GLIS1: variants seen among roughly 807,000 people sequenced by gnomAD.
The protein encoded by GLIS1 is zinc finger protein GLIS1.
In GLIS1, 24 loss-of-function variants were observed where a neutral mutation model predicts 63.8. The observed-to-expected ratio is 0.38, with a 90% CI of 0.27 to 0.53. The LOEUF (loss-of-function observed/expected upper bound fraction) is 0.53, where lower values mean the gene tolerates loss of function less well. GLIS1 is among the 20% of genes least tolerant of loss of function. The probability of loss-of-function intolerance (pLI) is 0.85; values close to 1 mark genes in which losing one functional copy is unlikely to be tolerated. For synonymous variants in GLIS1, 450 were observed against 482.5 expected (o/e 0.93, Z 0.88); for missense variants, 1,036 against 1,074.1 (o/e 0.96, Z 0.50).
At chr1:53,527,922 G>A (rs910833384) in intron 5 of GLIS1, among the ~76,000 whole-genome samples, 2 of 152,218 alleles carry the variant, frequency 1.3e-5, no homozygotes, top group Non-Finnish European at 2.9e-5. Context: ...CACCAAGTGG[G>A]GGCCAGAGGC....
intron 4 of GLIS1, among the ~76,000 whole-genome samples, chr1:53,583,462 C>G (rs534696267): frequency 6.6e-6 from 1 of 152,214 alleles, no homozygotes; most frequent in Non-Finnish European, 1.5e-5. Flanking sequence ...GTCTTGCCCC[C>G]CAGAATGCAG....
chr1:53,577,136 C>CGG (rs1557459745), intron 4 of GLIS1, among the ~76,000 whole-genome samples: 20 of 151,830 alleles, frequency 1.3e-4, no homozygotes, highest in South Asian at 1.0e-3. Flanking sequence ...AGCCTCCCCC[C>CGG]CCTCCATGCT....
At chr1:53,678,884 T>C (rs1272161995) in intron 2 of GLIS1, among the ~76,000 whole-genome samples, 1 of 152,226 alleles carries the variant, frequency 6.6e-6, no homozygotes, top group Non-Finnish European at 1.5e-5. Flanking sequence ...CTGCCTTCTA[T>C]GGACCCAACT....
intron 2 of GLIS1, among the ~76,000 whole-genome samples, chr1:53,732,021 G>A (rs1191207204): frequency 6.6e-6 from 1 of 152,216 alleles, no homozygotes; most frequent in Non-Finnish European, 1.5e-5. Context: ...CTACACAATG[G>A]CTCATGTGTT....
chr1:53,699,238 T>C (rs1396272065), intron 2 of GLIS1, among the ~76,000 whole-genome samples: 1 of 152,006 alleles, frequency 6.6e-6, no homozygotes, highest in Non-Finnish European at 1.5e-5. Flanking sequence ...CTAATTTTTA[T>C]ATTTTTAGTA....
chr1:53,667,812 G>A (rs57787204), intron 2 of GLIS1, among the ~76,000 whole-genome samples: 4,102 of 152,292 alleles, frequency 0.027, 167 homozygotes, highest in African/African-American at 0.093. Context: ...GAATGAGTGC[G>A]TAGACCTCAT....
At chr1:53,687,419 C>T (rs553143635) in intron 2 of GLIS1, among the ~76,000 whole-genome samples, 1 of 152,332 alleles carries the variant, frequency 6.6e-6, no homozygotes, top group Admixed American at 6.5e-5. Flanking sequence ...CAACATCTAT[C>T]ACCCGGTCCA....
intron 2 of GLIS1, among the ~76,000 whole-genome samples, chr1:53,682,561 T>A (rs1316726616): frequency 6.6e-6 from 1 of 152,260 alleles, no homozygotes; most frequent in Non-Finnish European, 1.5e-5. Flanking sequence ...CGTTGCAAGT[T>A]GGCAGCACTT....
At chr1:53,732,172 C>G (rs1646868026) in intron 2 of GLIS1, among the ~76,000 whole-genome samples, 1 of 152,232 alleles carries the variant, frequency 6.6e-6, no homozygotes, top group Non-Finnish European at 1.5e-5. Context: ...GTAATGCTAA[C>G]ACGATCCGCC....
intron 2 of GLIS1, among the ~76,000 whole-genome samples, chr1:53,728,014 T>C (rs887652364): frequency 1.3e-5 from 2 of 152,230 alleles, no homozygotes; most frequent in African/African-American, 4.8e-5. Flanking sequence ...TACAGGCTCC[T>C]TGAGACTGGG....
At chr1:53,601,574 G>A (rs1011015006) in intron 2 of GLIS1, among the ~76,000 whole-genome samples, 3 of 152,084 alleles carry the variant, frequency 2.0e-5, no homozygotes, top group Non-Finnish European at 2.9e-5. Context: ...CACCACTGTC[G>A]CACTTGAGCA....
At chr1:53,672,222 G>T (rs1277004547) in intron 2 of GLIS1, among the ~76,000 whole-genome samples, 1 of 152,182 alleles carries the variant, frequency 6.6e-6, no homozygotes, top group Non-Finnish European at 1.5e-5. Context: ...CCTGAGAGTA[G>T]AGTTAGGAAG....
At chr1:53,510,425 C>T (rs957658520) in intron 8 of GLIS1, among the ~76,000 whole-genome samples, 2 of 152,170 alleles carry the variant, frequency 1.3e-5, no homozygotes, top group African/African-American at 4.8e-5. Context: ...CTGCTGGGTG[C>T]CCGGCTCTCT....
At chr1:53,617,112 C>A (rs1645490781) in intron 2 of GLIS1, among the ~76,000 whole-genome samples, 1 of 152,130 alleles carries the variant, frequency 6.6e-6, no homozygotes, top group African/African-American at 2.4e-5. Flanking sequence ...CCGCCAGGAA[C>A]AACAGGCCCT....
Position 53,509,975 on chromosome 1 carries a change from G to T in GLIS1, c.1936C>A (p.Pro646Thr). ...PIVSPLKGLG[P>T]PPLPPSSQSH... ...TGAGAGGATGGGGGCAGCGGCGGTGGCCCCAGCCCCTTCAGGGGGCTGACT... is the reference window on the plus strand; with the variant it reads ...TGAGAGGATGGGGGCAGCGGCGGTGTCCCCAGCCCCTTCAGGGGGCTGACT... Residue 646 changes from proline (P) to threonine (T), a missense_variant, in exon 9 of 11, where the codon CCA becomes ACA. Around this residue, in one of 3 missense-constraint regions of GLIS1, gnomAD observed 400 missense variants for 400.9 expected, o/e 1.00. Transcript: ENST00000628545. 1.5e-6 allele frequency: 2 copies of T among 1,291,124 alleles called. No homozygotes were observed. Among genetic ancestry groups the T allele is most frequent in the Non-Finnish European group, 2.0e-6 (2 of 1,011,302 alleles). The allele number at this position is 1,291,124 out of a possible 1,614,324, so 80.0% of individuals were successfully genotyped here. A position where few individuals can be genotyped will look rare whatever the true frequency, so the allele number is the denominator to read the frequency against.
chr1:53,620,987 T>C (rs1261475333), intron 2 of GLIS1, among the ~76,000 whole-genome samples: 4 of 152,314 alleles, frequency 2.6e-5, no homozygotes, highest in East Asian at 1.9e-4. Context: ...GGACAAGGAC[T>C]CCATCTGATC....
chr1:53,660,191 G>C (rs917922338), intron 2 of GLIS1, among the ~76,000 whole-genome samples: 1 of 152,176 alleles, frequency 6.6e-6, no homozygotes, highest in African/African-American at 2.4e-5. Context: ...TTGCTTAGGG[G>C]AGGCTAGGCA....
chr1:53,514,679 G>T lies in GLIS1; in HGVS notation c.1829C>A (p.Thr610Asn). ...PSRHHPLDAT[T>N]SSHHHLSPLP... Reference sequence around the variant, plus strand: ...AGGGGACAGATGGTGGTGGGAACTGGTGGTGGCATCCAGCGGGTGGTGCCT... The same window carrying T: ...AGGGGACAGATGGTGGTGGGAACTGTTGGTGGCATCCAGCGGGTGGTGCCT... Residue 610 changes from threonine (T) to asparagine (N), a missense_variant, in exon 8 of 11, where the codon ACC becomes AAC. Thr to Asn is a moderately conservative substitution (Grantham distance 65). Around this residue, in one of 3 missense-constraint regions of GLIS1, gnomAD observed 400 missense variants for 400.9 expected, o/e 1.00. Coordinates refer to ENST00000628545, the MANE Select transcript of GLIS1 (RefSeq NM_001367484.1). The T allele has an allele frequency of 6.2e-7, 1 of 1,613,922 alleles. No homozygotes were observed.
At chr1:53,730,819 G>C (rs565531459) in intron 2 of GLIS1, among the ~76,000 whole-genome samples, 16 of 152,254 alleles carry the variant, frequency 1.1e-4, no homozygotes, top group East Asian at 5.8e-4. Context: ...CCTTCCATAG[G>C]GGGGGTCATC....
Sources: gnomAD v4.1 joint callset for allele counts (sites outside exome capture counted in the v4.1 genomes callset) on GRCh38, gnomAD v4.1.1 for gene constraint, gnomAD v4.1.1 regional missense constraint, MANE v1.5 for transcripts, NCBI Gene and HGNC (gene_info 2026-07-23, HGNC 2026-07-21) for gene names.